Variants in SLC8A3 observed in about 807,000 individuals in gnomAD.
SLC8A3 encodes sodium/calcium exchanger 3.
SLC8A3 carries 37 observed loss-of-function variants against 65.4 expected under a neutral mutation model. The observed-to-expected ratio is 0.57, with a 90% CI of 0.44 to 0.74. The LOEUF is 0.74. SLC8A3 is among the 30% of genes least tolerant of loss of function. SLC8A3 has a pLI of 0.00. For missense variants in SLC8A3, 1,112 were observed against 1,172.1 expected (o/e 0.95, Z 0.75); for synonymous variants, 461 against 444.5 (o/e 1.04, Z -0.47).
chr14:70,186,671 C>G (rs1258159820), intron 1 of SLC8A3, among the ~76,000 whole-genome samples: 1 of 152,148 alleles, frequency 6.6e-6, no homozygotes, highest in East Asian at 1.9e-4. Flanking sequence ...GTGGGGACTG[C>G]TGCTGGGCAT....
chr14:70,058,176 T>C lies in SLC8A3; in HGVS notation c.1888+2660A>G, dbSNP rs74061040. Reference sequence around the variant, plus strand: ...CATTTTTTTAATGCAATTGTCATTTTGACCATGCAAAGACTATGCCATTCT... The same window carrying C: ...CATTTTTTTAATGCAATTGTCATTTCGACCATGCAAAGACTATGCCATTCT... On this transcript the variant is annotated intron_variant, in intron 3 of 6. Transcript: ENST00000356921. Among the ~76,000 whole-genome samples the C allele has an allele frequency of 3.9e-3, 587 of 152,358 alleles. 6 individuals are homozygous for C. The highest frequency in any genetic ancestry group is 0.013 in the African/African-American group (559 of 41,584).
rs773902671 is a variant in SLC8A3 at position 70,117,523 on chromosome 14, C to T, written c.1784+49116G>A. ...TTTCTGGGAAACCTGACCTGCAACA[C>T]GAGTTATCAACTTCTTTAGGTTGCT... On this transcript the variant is annotated intron_variant, in intron 2 of 6. Transcript: ENST00000356921. Among the ~76,000 whole-genome samples the T allele has an allele frequency of 1.3e-3, 202 of 152,350 alleles. 6 individuals carry two copies. The highest frequency in any genetic ancestry group is 3.4e-3 in the Middle Eastern group (1 of 294).
chr14:70,144,527 G>A, intron 2 of SLC8A3, among the ~76,000 whole-genome samples: 1 of 151,424 alleles, frequency 6.6e-6, no homozygotes, highest in East Asian at 1.9e-4. Context: ...CTACTCAGGA[G>A]GCCGAGGCAG....
intron 2 of SLC8A3, among the ~76,000 whole-genome samples, chr14:70,104,425 C>G (rs1892724577): frequency 6.6e-6 from 1 of 151,992 alleles, no homozygotes; most frequent in African/African-American, 2.4e-5. Flanking sequence ...AGTTTTGTTT[C>G]ATATAATTTG....
At chr14:70,175,812 G>A (rs930176369) in intron 1 of SLC8A3, among the ~76,000 whole-genome samples, 5 of 144,122 alleles carry the variant, frequency 3.5e-5, no homozygotes, top group African/African-American at 7.7e-5. Context: ...TCGGCTCACC[G>A]CAACCTCCGC....
intron 1 of SLC8A3, among the ~76,000 whole-genome samples, chr14:70,182,010 T>C (rs866138904): frequency 6.6e-6 from 1 of 152,230 alleles, no homozygotes; most frequent in Non-Finnish European, 1.5e-5. Flanking sequence ...ATTATTATTA[T>C]TTTTATACAA....
intron 2 of SLC8A3, among the ~76,000 whole-genome samples, chr14:70,071,388 G>A (rs1233052233): frequency 6.6e-6 from 1 of 152,154 alleles, no homozygotes; most frequent in African/African-American, 2.4e-5. Flanking sequence ...ACTTTCTCTG[G>A]CTAAAGAAGA....
At chr14:70,056,076 C>T (rs1263430971) in intron 3 of SLC8A3, among the ~76,000 whole-genome samples, 3 of 152,152 alleles carry the variant, frequency 2.0e-5, no homozygotes, top group East Asian at 1.9e-4. Flanking sequence ...TCCCGGCTAC[C>T]CTAGGGCTAG....
At chr14:70,127,905 C>T (rs1209013478) in intron 2 of SLC8A3, among the ~76,000 whole-genome samples, 1 of 152,156 alleles carries the variant, frequency 6.6e-6, no homozygotes, top group Non-Finnish European at 1.5e-5. Flanking sequence ...TCTATATCAC[C>T]TCCATTCTGT....
intron 2 of SLC8A3, among the ~76,000 whole-genome samples, chr14:70,097,687 G>T (rs1012726770): frequency 7.3e-5 from 11 of 151,600 alleles, no homozygotes; most frequent in African/African-American, 1.7e-4. Context: ...GCTGCATGTG[G>T]TTTTTTTTTA....
At chr14:70,048,709 G>C in intron 6 of SLC8A3, 58 bp downstream of exon 6, 1 of 1,438,006 alleles carries the variant, frequency 7.0e-7, no homozygotes. Context: ...ATGGAGTCCA[G>C]GGGTCATTTG....
At chr14:70,186,907 A>G (rs1010498871) in intron 1 of SLC8A3, among the ~76,000 whole-genome samples, 4 of 152,238 alleles carry the variant, frequency 2.6e-5, no homozygotes, top group African/African-American at 9.6e-5. Flanking sequence ...CGCAGCAGCT[A>G]TATTTGAAAA....
At chr14:70,139,334 T>C (rs1373960689) in intron 2 of SLC8A3, among the ~76,000 whole-genome samples, 1 of 152,126 alleles carries the variant, frequency 6.6e-6, no homozygotes, top group Non-Finnish European at 1.5e-5. Context: ...AGATTAGGGG[T>C]ACCTCTAAAA....
intron 2 of SLC8A3, among the ~76,000 whole-genome samples, chr14:70,073,737 A>G (rs1220487067): frequency 8.5e-5 from 13 of 152,180 alleles, no homozygotes; most frequent in Admixed American, 8.5e-4. Flanking sequence ...CCAAGTAGAA[A>G]AGAGAGAAGT....
intron 2 of SLC8A3, among the ~76,000 whole-genome samples, chr14:70,131,177 C>T (rs1266601330): frequency 6.6e-6 from 1 of 152,180 alleles, no homozygotes; most frequent in Non-Finnish European, 1.5e-5. Context: ...CAAGGATCAA[C>T]ACAGAAGAGA....
intron 2 of SLC8A3, among the ~76,000 whole-genome samples, chr14:70,147,725 C>T (rs1022269338): frequency 2.0e-5 from 3 of 152,150 alleles, no homozygotes; most frequent in African/African-American, 7.2e-5. Flanking sequence ...AACCACCTGA[C>T]CTTGGAATCC....
At chr14:70,129,240 T>C (rs1408340829) in intron 2 of SLC8A3, among the ~76,000 whole-genome samples, 1 of 152,174 alleles carries the variant, frequency 6.6e-6, no homozygotes, top group East Asian at 1.9e-4. Context: ...TCCTTAGTTA[T>C]ATTCCTAGGG....
At position 70,049,080 on chromosome 14, in the gene SLC8A3, A is replaced by C. The variant is rs753715780; in HGVS notation, c.2114-38T>G. On this transcript the variant is annotated intron_variant, in intron 5 of 6. Transcript: ENST00000356921. ...TAAACAGGCAAGAGAACGGGTAACG[A>C]AGTCAGATAATCATTCATGAGAAAG... is the stretch of plus-strand genomic sequence containing the variant. 21 of 1,562,928 alleles carry C rather than the reference A, an allele frequency of 1.3e-5. No homozygotes were observed. In the African/African-American group the frequency reaches 2.6e-4, roughly 19 times the overall value.
At chr14:70,051,933 T>C (rs1887556745) in intron 4 of SLC8A3, 57 bp downstream of exon 4, 2 of 1,512,354 alleles carry the variant, frequency 1.3e-6, no homozygotes, top group Admixed American at 1.8e-5. Flanking sequence ...ACCCCAGGTC[T>C]TCTGCCTCCC....
Sources: allele counts gnomAD v4.1 joint callset (sites outside exome capture counted in the v4.1 genomes callset), GRCh38; gene constraint gnomAD v4.1.1; transcripts MANE v1.5; gene names NCBI Gene and HGNC (gene_info 2026-07-23, HGNC 2026-07-21).